Variants in PCDH15 observed in about 807,000 individuals in gnomAD.
PCDH15 encodes protocadherin-15.
PCDH15 carries 129 observed loss-of-function variants against 178.5 expected under a neutral mutation model. The observed-to-expected ratio is 0.72, with a 90% CI of 0.63 to 0.84. The LOEUF (loss-of-function observed/expected upper bound fraction) is 0.84, where lower values mean the gene tolerates loss of function less well. PCDH15 is among the 40% of genes least tolerant of loss of function. PCDH15 has a pLI of 0.00. For missense variants in PCDH15, 2,230 were observed against 2,099.9 expected (o/e 1.06, Z -1.21); for synonymous variants, 800 against 732.0 (o/e 1.09, Z -1.50).
chr10:55,503,522 C>A (rs1003536675), intron 2 of PCDH15, among the ~76,000 whole-genome samples: 1 of 150,720 alleles, frequency 6.6e-6, no homozygotes, highest in African/African-American at 2.4e-5. Context: ...GATTTTCATA[C>A]AATCTGAAAT....
chr10:54,261,474 A>G (rs2132299042), intron 8 of PCDH15, among the ~76,000 whole-genome samples: 1 of 152,198 alleles, frequency 6.6e-6, no homozygotes, highest in Non-Finnish European at 1.5e-5. Flanking sequence ...GATGAGAAAT[A>G]CAAATGACCT....
chr10:54,245,743 A>G (rs2055857008), intron 8 of PCDH15, among the ~76,000 whole-genome samples: 2 of 134,700 alleles, frequency 1.5e-5, no homozygotes, highest in South Asian at 4.2e-4. Context: ...AAGTTCAAGG[A>G]AAAAAAAAAT....
chr10:55,165,476 T>C (rs1839170859), intron 2 of PCDH15, among the ~76,000 whole-genome samples: 1 of 151,876 alleles, frequency 6.6e-6, no homozygotes. Flanking sequence ...ATTTCAAATC[T>C]TTATTTTTAT....
rs575945064 is a variant in PCDH15, at chr10:55,225,488, A to G, written c.-155-58837T>C. On this transcript the variant is annotated intron_variant, in intron 1 of 5. Transcript: ENST00000458638. ...CCAAGTGGCAACAGCTTAGCAAAAC[A>G]AAAACCATGACATTTTGCTGTCTTG... is the stretch of plus-strand genomic sequence containing the variant. Among the ~76,000 whole-genome samples the G allele has an allele frequency of 4.6e-4, 70 of 152,202 alleles. 1 individual carries two copies. In the South Asian group the frequency reaches 0.015, roughly 32 times the overall value.
chr10:54,022,093 T>A (rs2092939255), intron 19 of PCDH15, among the ~76,000 whole-genome samples: 1 of 151,742 alleles, frequency 6.6e-6, no homozygotes, highest in African/African-American at 2.4e-5. Context: ...ATTCAAGTTG[T>A]GGACTGCAGG....
intron 2 of PCDH15, among the ~76,000 whole-genome samples, chr10:55,502,352 C>T (rs115446349): frequency 0.013 from 2,001 of 151,668 alleles, 44 homozygotes; most frequent in African/African-American, 0.046. Flanking sequence ...CAGAGAGCAC[C>T]CTTTCAAGCT....
In PCDH15 at chr10:54,300,291, A is replaced by C. The variant is rs185152012; in HGVS notation, c.876+16980T>G. ...TGGAGTTGGGTGACATGGCTTCTCC[A>C]CTTTCTAGGTCCGGTAGCAGCCATT... On this transcript the variant is annotated intron_variant, in intron 8 of 37. Transcript: ENST00000644397. 2.6e-3 allele frequency among the ~76,000 whole-genome samples: 394 copies of C among 152,276 alleles called. 1 individual carries two copies. The highest frequency in any genetic ancestry group is 7.1e-3 in the African/African-American group (296 of 41,558).
intron 17 of PCDH15, among the ~76,000 whole-genome samples, chr10:54,068,162 A>C (rs1254821668): frequency 6.6e-6 from 1 of 152,118 alleles, no homozygotes; most frequent in African/African-American, 2.4e-5. Context: ...TTTTAACAGA[A>C]GCAAAAGCAA....
At chr10:54,693,777 A>G (rs1310710468) in intron 1 of PCDH15, among the ~76,000 whole-genome samples, 3 of 152,164 alleles carry the variant, frequency 2.0e-5, no homozygotes, top group Non-Finnish European at 4.4e-5. Flanking sequence ...AATCAAGTAC[A>G]GAAGTTAATG....
chr10:54,068,559 A>AGGTT (rs2094180717), intron 17 of PCDH15, among the ~76,000 whole-genome samples: 1 of 152,180 alleles, frequency 6.6e-6, no homozygotes, highest in Non-Finnish European at 1.5e-5. Context: ...ATAAGTAATA[A>AGGTT]CATGGATTAA....
intron 1 of PCDH15, among the ~76,000 whole-genome samples, chr10:54,752,488 AAAAC>A (rs1446736842): frequency 0.014 from 1,289 of 91,976 alleles, 97 homozygotes; most frequent in African/African-American, 0.045. Flanking sequence ...AAAAAAAAAA[AAAAC>A]AAAAAACAAA....
At chr10:54,230,327 A>G (rs1591310737) in intron 9 of PCDH15, among the ~76,000 whole-genome samples, 1 of 152,190 alleles carries the variant, frequency 6.6e-6, no homozygotes, top group African/African-American at 2.4e-5. Flanking sequence ...ATAAGAACCC[A>G]GTTGTGTAGC....
At chr10:54,696,097 T>C (rs1200910676) in intron 1 of PCDH15, among the ~76,000 whole-genome samples, 2 of 152,062 alleles carry the variant, frequency 1.3e-5, no homozygotes, top group Admixed American at 6.6e-5. Flanking sequence ...ATTCTTCTTA[T>C]GTATCTGGGC....
At chr10:54,581,750 A>G (rs929000460) in intron 2 of PCDH15, among the ~76,000 whole-genome samples, 1 of 152,126 alleles carries the variant, frequency 6.6e-6, no homozygotes, top group Non-Finnish European at 1.5e-5. Context: ...AACAGAAAAG[A>G]GAACCCAGAA....
intron 3 of PCDH15, among the ~76,000 whole-genome samples, chr10:54,819,807 T>C (rs1953006940): frequency 6.6e-6 from 1 of 152,066 alleles, no homozygotes; most frequent in Non-Finnish European, 1.5e-5. Flanking sequence ...TTTTAAGCAC[T>C]TGTGAGTAGA....
chr10:55,298,047 A>G (rs1179707683), intron 1 of PCDH15, among the ~76,000 whole-genome samples: 1 of 152,170 alleles, frequency 6.6e-6, no homozygotes, highest in East Asian at 1.9e-4. Flanking sequence ...GTAACTTGTT[A>G]GTCAACAAGC....
intron 28 of PCDH15, 146 bp from the exon 29 acceptor site, chr10:53,840,642 A>G (rs1006008947): frequency 5.1e-6 from 4 of 781,988 alleles, no homozygotes; most frequent in South Asian, 3.2e-5. Flanking sequence ...AAACCCTTGA[A>G]AAACATTCTC....
chr10:54,755,718 A>G (rs1946988736), intron 1 of PCDH15, among the ~76,000 whole-genome samples: 1 of 152,190 alleles, frequency 6.6e-6, no homozygotes, highest in South Asian at 2.1e-4. Context: ...TTTTCATTTT[A>G]AATCAGTTAA....
At chr10:55,396,035 T>C (rs1486635396) in intron 2 of PCDH15, among the ~76,000 whole-genome samples, 1 of 151,824 alleles carries the variant, frequency 6.6e-6, no homozygotes, top group East Asian at 1.9e-4. Context: ...TACAAAAAAA[T>C]ATATTTTAGC....
Sources: allele counts gnomAD v4.1 joint callset (sites outside exome capture counted in the v4.1 genomes callset), GRCh38; gene constraint gnomAD v4.1.1; transcripts MANE v1.5; gene names NCBI Gene and HGNC (gene_info 2026-07-23, HGNC 2026-07-21).